Variants in PTBP2 observed in about 807,000 individuals in gnomAD.
The protein encoded by PTBP2 is polypyrimidine tract binding protein 2.
PTBP2 carries 13 observed loss-of-function variants against 61.4 expected under a neutral mutation model. That is an observed-to-expected ratio of 0.21 (90% CI 0.14 to 0.34). The LOEUF (loss-of-function observed/expected upper bound fraction) is 0.34, where lower values mean the gene tolerates loss of function less well. Ranked by LOEUF, PTBP2 falls within the 10% of genes least tolerant of loss-of-function variation. PTBP2 has a pLI of 1.00. For missense variants in PTBP2, 405 were observed against 642.6 expected (o/e 0.63, Z 4.00); for synonymous variants, 215 against 218.5 (o/e 0.98, Z 0.14).
intron 2 of PTBP2, chr1:96,749,723 A>T (rs530511162): frequency 8.8e-6 from 4 of 452,228 alleles, no homozygotes; most frequent in South Asian, 6.2e-5. Context: ...ATGTGGGGAC[A>T]TTGTACTTGG....
At chr1:96,723,421 A>G (rs996940173) in intron 1 of PTBP2, 143 bp from the exon 2 acceptor site, 16 of 576,450 alleles carry the variant, frequency 2.8e-5, no homozygotes, top group Admixed American at 1.7e-4. Context: ...GTCACGGATC[A>G]TCTGTGGTAT....
intron 2 of PTBP2, among the ~76,000 whole-genome samples, chr1:96,750,166 A>G (rs1654355889): frequency 6.6e-6 from 1 of 151,996 alleles, no homozygotes; most frequent in Admixed American, 6.6e-5. Context: ...GTAAGCTTCC[A>G]GGTCTAATCT....
At chr1:96,810,111 G>A (rs1175887654) in intron 11 of PTBP2, among the ~76,000 whole-genome samples, 1 of 152,050 alleles carries the variant, frequency 6.6e-6, no homozygotes. Flanking sequence ...ATTTCTTGAG[G>A]TCTTTTAAAA....
chr1:96,818,848 C>T (rs760052130), downstream of PTBP2: 1 of 151,962 alleles, frequency 6.6e-6, no homozygotes, highest in Non-Finnish European at 1.5e-5. Context: ...TTCTAGAGAT[C>T]AAATGAATAG....
intron 2 of PTBP2, among the ~76,000 whole-genome samples, chr1:96,740,298 G>C (rs1182334901): frequency 3.3e-5 from 5 of 152,116 alleles, no homozygotes; most frequent in African/African-American, 1.2e-4. Context: ...TTCCTTCTGA[G>C]GCCACTTCTC....
At chr1:96,763,034 AG>A (rs1656191233) in intron 3 of PTBP2, among the ~76,000 whole-genome samples, 1 of 150,642 alleles carries the variant, frequency 6.6e-6, no homozygotes, top group African/African-American at 2.4e-5. Context: ...GGCCGGGAAG[AG>A]GCGCTCCTCA....
intron 11 of PTBP2, among the ~76,000 whole-genome samples, chr1:96,811,255 G>T (rs754571886): frequency 6.6e-6 from 1 of 152,064 alleles, no homozygotes; most frequent in Non-Finnish European, 1.5e-5. Flanking sequence ...ATACATGTAA[G>T]TATGATTAGA....
intron 3 of PTBP2, among the ~76,000 whole-genome samples, chr1:96,764,546 C>G (rs1656430389): frequency 6.6e-6 from 1 of 152,180 alleles, no homozygotes; most frequent in Non-Finnish European, 1.5e-5. Flanking sequence ...TATTGCTAAA[C>G]ATGACATTTT....
intron 2 of PTBP2, among the ~76,000 whole-genome samples, chr1:96,725,709 G>A (rs145285367): frequency 6.6e-4 from 101 of 152,212 alleles, no homozygotes; most frequent in African/African-American, 2.3e-3. Flanking sequence ...TCAGGCCTGT[G>A]TACAAGTAAT....
chr1:96,794,954 T>TA (rs1237224360), intron 8 of PTBP2, among the ~76,000 whole-genome samples: 2 of 152,172 alleles, frequency 1.3e-5, no homozygotes, highest in African/African-American at 2.4e-5. Flanking sequence ...AAACCAGTGT[T>TA]ACCCAGGGAG....
intron 3 of PTBP2, among the ~76,000 whole-genome samples, chr1:96,753,690 G>T (rs1301277685): frequency 1.3e-5 from 2 of 152,084 alleles, no homozygotes. Flanking sequence ...TAAAGGAAAA[G>T]ATTGAAATAA....
intron 1 of PTBP2, 24 bp downstream of exon 1, chr1:96,721,896 G>T: frequency 6.4e-7 from 1 of 1,572,920 alleles, no homozygotes; most frequent in East Asian, 2.3e-5. Flanking sequence ...CCGGCGAGAA[G>T]GTGTGTGTGA....
At chr1:96,762,486 G>T (rs1476145300) in intron 3 of PTBP2, among the ~76,000 whole-genome samples, 37 of 109,918 alleles carry the variant, frequency 3.4e-4, no homozygotes, top group Non-Finnish European at 6.0e-4. Flanking sequence ...GGCTGGCCGG[G>T]CTGGGGGCTG....
At chr1:96,783,996 T>A (rs1223812269) in intron 7 of PTBP2, among the ~76,000 whole-genome samples, 2 of 152,084 alleles carry the variant, frequency 1.3e-5, no homozygotes, top group Non-Finnish European at 2.9e-5. Flanking sequence ...CATAAAAAAA[T>A]TCGTATATTA....
intron 2 of PTBP2, among the ~76,000 whole-genome samples, chr1:96,741,474 T>C (rs1391680868): frequency 1.3e-5 from 2 of 151,994 alleles, no homozygotes; most frequent in Non-Finnish European, 2.9e-5. Context: ...ATTACCCAGG[T>C]TTGTTGCGAA....
chr1:96,722,827 A>C (rs1316011356), intron 1 of PTBP2, among the ~76,000 whole-genome samples: 8 of 152,190 alleles, frequency 5.3e-5, no homozygotes, highest in Non-Finnish European at 1.2e-4. Flanking sequence ...AATGGTAGGG[A>C]CCGATGTCTC....
intron 3 of PTBP2, among the ~76,000 whole-genome samples, chr1:96,763,709 T>C (rs911155583): frequency 2.0e-5 from 3 of 152,164 alleles, no homozygotes; most frequent in Admixed American, 2.0e-4. Flanking sequence ...CTAATCTTTT[T>C]GTAATGATGG....
intron 8 of PTBP2, among the ~76,000 whole-genome samples, chr1:96,801,287 T>C (rs1407165935): frequency 6.6e-6 from 1 of 152,156 alleles, no homozygotes; most frequent in East Asian, 1.9e-4. Flanking sequence ...TATTACAGCA[T>C]TTTCTTTTAT....
Position 96,777,946 on chromosome 1 carries a change from A to T in PTBP2, c.708A>T (p.Leu236=). 1 of 1,514,286 alleles carries T rather than the reference A, an allele frequency of 6.6e-7. No homozygotes were observed. The highest frequency in any genetic ancestry group is 2.1e-4 in the Middle Eastern group (1 of 4,780). 93.8% of individuals were successfully genotyped at this position (1,514,286 alleles called of 1,614,324 possible). Reference sequence around the variant, plus strand: ...CAGTAAATGCTCAACAAGCAAAACTAGTAAGTCTTTCTTTTGAGATGGTGA... The same window carrying T: ...CAGTAAATGCTCAACAAGCAAAACTTGTAAGTCTTTCTTTTGAGATGGTGA... The part of the protein sequence containing the change: ...GDPVNAQQAK[L]ALDGQNIYNA... Residue 236 remains leucine, a splice_region_variant and synonymous_variant, in exon 7 of 14, where the codon CTA becomes CTT. Coordinates refer to ENST00000674951, the MANE Select transcript of PTBP2 (RefSeq NM_021190.4).
Sources: allele counts gnomAD v4.1 joint callset (sites outside exome capture counted in the v4.1 genomes callset), GRCh38; gene constraint gnomAD v4.1.1; transcripts MANE v1.5; gene names NCBI Gene and HGNC (gene_info 2026-07-23, HGNC 2026-07-21).